Variants in CNNM2 observed in about 807,000 individuals in gnomAD.
The protein encoded by CNNM2 is cyclin and CBS domain divalent metal cation transport mediator 2.
Under a neutral mutation model 66.9 loss-of-function variants are expected in CNNM2, and 12 were observed. The ratio of observed to expected loss-of-function variants is 0.18; its 90% confidence interval spans 0.11 to 0.29. The LOEUF is 0.29. Among genes scored for constraint, CNNM2 ranks in the 10% least tolerant of loss-of-function variants. The pLI is 1.00. For missense variants in CNNM2, 705 were observed against 1,167.7 expected, an observed-to-expected ratio of 0.60 and a Z score of 5.77; for synonymous variants, 557 against 501.8, an observed-to-expected ratio of 1.11 and a Z score of -1.47.
intron 1 of CNNM2, among the ~76,000 whole-genome samples, chr10:102,946,648 C>T (rs1180750243): frequency 6.6e-6 from 1 of 152,106 alleles, no homozygotes; most frequent in Non-Finnish European, 1.5e-5. Flanking sequence ...ACAGGGTAAG[C>T]TTCAGGGGAA....
chr10:102,924,255 C>G (rs145605692), intron 1 of CNNM2, among the ~76,000 whole-genome samples: 2 of 152,346 alleles, frequency 1.3e-5, no homozygotes, highest in African/African-American at 4.8e-5. Context: ...AAACCGTCCT[C>G]ACAAAAGATT....
intron 1 of CNNM2, among the ~76,000 whole-genome samples, chr10:102,977,636 C>G (rs1249568917): frequency 6.6e-6 from 1 of 152,124 alleles, no homozygotes; most frequent in Admixed American, 6.5e-5. Flanking sequence ...GCCTGACCAA[C>G]ATAATGAAAT....
At chr10:102,973,519 T>G (rs1396609594) in intron 1 of CNNM2, among the ~76,000 whole-genome samples, 1 of 99,554 alleles carries the variant, frequency 1.0e-5, no homozygotes, top group Admixed American at 1.0e-4. Context: ...TGTGTGTGTG[T>G]TTTTTTTTTT....
At chr10:103,001,925 G>C (rs1465512087) in intron 1 of CNNM2, among the ~76,000 whole-genome samples, 1 of 152,150 alleles carries the variant, frequency 6.6e-6, no homozygotes, top group Non-Finnish European at 1.5e-5. Context: ...TGAATCGGGA[G>C]GCAGAGGTTG....
At position 103,089,950 on chromosome 10, in the gene CNNM2, A is replaced by G. The variant is rs771107066; in HGVS notation, c.*12770A>G. On this transcript the variant is annotated 3_prime_UTR_variant, in exon 8 of 8. Transcript: ENST00000369878. The stretch of plus-strand genomic sequence containing the variant: ...TAGAGGCTCAGAAAGCAGGCAGAGC[A>G]AAGTAGCTACTCCCCAAATCCTAAC... The G allele has an allele frequency of 1.3e-6, 2 of 1,521,728 alleles. No homozygotes were observed. The highest frequency in any genetic ancestry group is 1.8e-6 in the Non-Finnish European group (2 of 1,128,128). 94.3% of individuals were successfully genotyped at this position (1,521,728 alleles called of 1,614,324 possible).
intron 1 of CNNM2, among the ~76,000 whole-genome samples, chr10:103,019,516 G>A (rs1211200524): frequency 6.6e-6 from 1 of 152,146 alleles, no homozygotes; most frequent in Non-Finnish European, 1.5e-5. Context: ...GGGACATGGA[G>A]AAGTTTTTCA....
rs532794504 is a variant in CNNM2, at chr10:102,973,982, A to G, written c.1621+53881A>G. Among the ~76,000 whole-genome samples, 4 of 152,336 alleles carry G rather than the reference A, an allele frequency of 2.6e-5. No individual in the cohort carries two copies. The South Asian group carries it at 8.3e-4, about 32-fold the overall frequency. ...ATCTCCATGCAATTGCTGCTGGTAT[A>G]ACAGGGGTGAAAGATAACTATTGAC... On this transcript the variant is annotated intron_variant, in intron 1 of 7. Transcript: ENST00000369878.
intron 1 of CNNM2, among the ~76,000 whole-genome samples, chr10:103,015,683 A>G (rs1397392944): frequency 1.3e-5 from 2 of 152,034 alleles, no homozygotes; most frequent in Non-Finnish European, 2.9e-5. Context: ...GTGAAACCCC[A>G]TCTCTACTAA....
intron 1 of CNNM2, among the ~76,000 whole-genome samples, chr10:103,048,185 G>C (rs982073441): frequency 6.7e-6 from 1 of 149,124 alleles, no homozygotes; most frequent in Non-Finnish European, 1.5e-5. Context: ...AAAGGGCTGG[G>C]ATTACAAATG....
intron 1 of CNNM2, among the ~76,000 whole-genome samples, chr10:102,999,228 G>T (rs548626958): frequency 1.3e-5 from 2 of 148,986 alleles, no homozygotes; most frequent in East Asian, 4.0e-4. Context: ...CCGTCACCCT[G>T]CCCGGCTAAT....
chr10:103,017,779 A>G (rs758768806), intron 1 of CNNM2, among the ~76,000 whole-genome samples: 1 of 151,848 alleles, frequency 6.6e-6, no homozygotes, highest in African/African-American at 2.4e-5. Flanking sequence ...CAACCTGGCC[A>G]ATGTGGTGAA....
At chr10:103,025,625 G>A (rs370145235) in intron 1 of CNNM2, among the ~76,000 whole-genome samples, 47 of 152,214 alleles carry the variant, frequency 3.1e-4, no homozygotes, top group Admixed American at 6.5e-4. Flanking sequence ...TTACTGATTC[G>A]TGTTTCATAC....
At chr10:102,987,461 C>G (rs1184168977) in intron 1 of CNNM2, among the ~76,000 whole-genome samples, 2 of 152,042 alleles carry the variant, frequency 1.3e-5, no homozygotes, top group African/African-American at 4.8e-5. Context: ...GCTGGGACCA[C>G]AGGTGCCCAC....
chr10:103,044,266 G>GTCC (rs1223761603), intron 1 of CNNM2, among the ~76,000 whole-genome samples: 1 of 151,946 alleles, frequency 6.6e-6, no homozygotes, highest in Non-Finnish European at 1.5e-5. Context: ...GTTAAGAAAG[G>GTCC]TCCTATTTGA....
chr10:102,985,467 A>G (rs2063782119), intron 1 of CNNM2, among the ~76,000 whole-genome samples: 1 of 152,172 alleles, frequency 6.6e-6, no homozygotes, highest in East Asian at 1.9e-4. Flanking sequence ...CATCAAAGCT[A>G]GATACAGGAA....
intron 1 of CNNM2, among the ~76,000 whole-genome samples, chr10:103,045,690 A>G (rs2065117173): frequency 6.6e-6 from 1 of 151,258 alleles, no homozygotes; most frequent in Non-Finnish European, 1.5e-5. Flanking sequence ...CTTTGGCTTC[A>G]TTTATGGATA....
chr10:103,017,963 C>CAAAAAAAAAAAAAAAAAAAAAAAA (rs59984156), intron 1 of CNNM2, among the ~76,000 whole-genome samples: 2 of 78,878 alleles, frequency 2.5e-5, no homozygotes, highest in Non-Finnish European at 4.8e-5. Flanking sequence ...GAATCTGTCT[C>CAAAAAAAAAAAAAAAAAAAAAAAA]AAAAAAAAAA....
intron 5 of CNNM2, among the ~76,000 whole-genome samples, chr10:103,071,396 G>A (rs1232948210): frequency 6.6e-6 from 1 of 152,230 alleles, no homozygotes; most frequent in Non-Finnish European, 1.5e-5. Context: ...TGGGGTGCAG[G>A]CGCCAGCGGT....
intron 1 of CNNM2, among the ~76,000 whole-genome samples, chr10:103,023,204 C>T (rs534698812): frequency 6.6e-6 from 1 of 152,312 alleles, no homozygotes; most frequent in Admixed American, 6.5e-5. Context: ...CATGCCCAGC[C>T]AAGGTCCCAG....
Sources: allele counts gnomAD v4.1 joint callset (sites outside exome capture counted in the v4.1 genomes callset), GRCh38; gene constraint gnomAD v4.1.1; transcripts MANE v1.5; gene names NCBI Gene and HGNC (gene_info 2026-07-23, HGNC 2026-07-21).